The following HS3ST5 variants were observed in gnomAD, a reference collection of about 807,000 sequenced individuals.
HS3ST5 encodes heparan sulfate glucosamine 3-O-sulfotransferase 5.
Under a neutral mutation model 25.4 loss-of-function variants are expected in HS3ST5, and 10 were observed. The ratio of observed to expected loss-of-function variants is 0.39; its 90% CI spans 0.24 to 0.67. The LOEUF is 0.67. Ranked by LOEUF, HS3ST5 falls within the 30% of genes least tolerant of loss-of-function variation. The pLI is 0.44. For synonymous variants in HS3ST5, 170 were observed against 162.4 expected (o/e 1.05, Z -0.36); for missense variants, 324 against 420.7 (o/e 0.77, Z 2.01).
chr6:114,175,136 T>G (rs1482699738), intron 2 of HS3ST5, among the ~76,000 whole-genome samples: 1 of 152,150 alleles, frequency 6.6e-6, no homozygotes, highest in East Asian at 1.9e-4. Flanking sequence ...GGGCAGAATT[T>G]ATAAAATCCA....
At chr6:114,282,093 G>A (rs1383581885) in intron 1 of HS3ST5, 4 of 151,980 alleles carry the variant, frequency 2.6e-5, no homozygotes, top group Non-Finnish European at 5.9e-5. Context: ...GTGTATGTAT[G>A]AGTTTATGGG....
chr6:114,146,218 G>A (rs1033728286), intron 3 of HS3ST5, among the ~76,000 whole-genome samples: 2 of 152,208 alleles, frequency 1.3e-5, no homozygotes, highest in African/African-American at 4.8e-5. Context: ...CATAAAGACA[G>A]CTAAATAGAA....
chr6:114,233,751 A>AC (rs1381350907), intron 1 of HS3ST5, among the ~76,000 whole-genome samples: 11 of 152,314 alleles, frequency 7.2e-5, no homozygotes, highest in Admixed American at 2.0e-4. Context: ...GAAAACAGTT[A>AC]CCCCAAGTTC....
At chr6:114,094,667 C>A (rs1231470251) in intron 3 of HS3ST5, among the ~76,000 whole-genome samples, 4 of 152,132 alleles carry the variant, frequency 2.6e-5, no homozygotes, top group Non-Finnish European at 5.9e-5. Flanking sequence ...AGTAATTTCA[C>A]ATTTTGTAAA....
intron 3 of HS3ST5, chr6:114,088,960 G>GT (rs1554207633): frequency 6.6e-6 from 1 of 152,248 alleles, no homozygotes; most frequent in Non-Finnish European, 1.5e-5. Context: ...GGCTGGAGAA[G>GT]TTAAGAGACC....
intron 1 of HS3ST5, among the ~76,000 whole-genome samples, chr6:114,229,038 A>G (rs1047573643): frequency 1.3e-5 from 2 of 152,132 alleles, no homozygotes; most frequent in Non-Finnish European, 2.9e-5. Flanking sequence ...TATCATTACT[A>G]ATTTTATTTT....
chr6:114,317,982 T>TA (rs1205496298), intron 1 of HS3ST5, among the ~76,000 whole-genome samples: 3 of 152,102 alleles, frequency 2.0e-5, no homozygotes, highest in African/African-American at 7.2e-5. Context: ...CTTTAGTAAA[T>TA]AAAATGAGCT....
chr6:114,059,771 T>A (rs1426220955), intron 4 of HS3ST5: 1 of 152,236 alleles, frequency 6.6e-6, no homozygotes, highest in Non-Finnish European at 1.5e-5. Flanking sequence ...CAATTAAACC[T>A]TTTTTCTTTA....
intron 1 of HS3ST5, among the ~76,000 whole-genome samples, chr6:114,297,197 T>C (rs143971900): frequency 2.6e-5 from 4 of 151,996 alleles, no homozygotes; most frequent in Non-Finnish European, 5.9e-5. Flanking sequence ...ATCATTACTA[T>C]ATATGAGTGT....
intron 2 of HS3ST5, among the ~76,000 whole-genome samples, chr6:114,216,535 C>T (rs1304331641): frequency 1.3e-5 from 2 of 151,982 alleles, no homozygotes; most frequent in Admixed American, 1.3e-4. Context: ...TACATATAGA[C>T]ACACATATCC....
At chr6:114,241,296 C>T (rs754258552) in intron 1 of HS3ST5, among the ~76,000 whole-genome samples, 30 of 152,106 alleles carry the variant, frequency 2.0e-4, no homozygotes, top group Non-Finnish European at 4.1e-4. Flanking sequence ...AAAACTTTCT[C>T]TTGGGCAGTT....
intron 3 of HS3ST5, among the ~76,000 whole-genome samples, chr6:114,141,772 C>G (rs976612981): frequency 1.3e-5 from 2 of 152,038 alleles, no homozygotes; most frequent in African/African-American, 4.8e-5. Flanking sequence ...CCATTGGCTC[C>G]TGTCCTACAG....
intron 1 of HS3ST5, among the ~76,000 whole-genome samples, chr6:114,309,707 T>C (rs1775451172): frequency 6.6e-6 from 1 of 152,166 alleles, no homozygotes; most frequent in Non-Finnish European, 1.5e-5. Context: ...CACTCCAGCC[T>C]GGGCGACAGA....
intron 1 of HS3ST5, among the ~76,000 whole-genome samples, chr6:114,245,364 A>C (rs930431748): frequency 6.6e-6 from 1 of 152,176 alleles, no homozygotes; most frequent in Non-Finnish European, 1.5e-5. Context: ...AGACAGAAAC[A>C]GGTTAGAAAA....
At chr6:114,272,299 C>T (rs1040762762) in intron 1 of HS3ST5, among the ~76,000 whole-genome samples, 4 of 152,022 alleles carry the variant, frequency 2.6e-5, no homozygotes, top group East Asian at 1.9e-4. Flanking sequence ...TTCTAGTAGG[C>T]AGTTAATTAC....
intron 3 of HS3ST5, among the ~76,000 whole-genome samples, chr6:114,063,286 G>A (rs758921367): frequency 8.5e-5 from 13 of 152,116 alleles, no homozygotes; most frequent in African/African-American, 1.7e-4. Flanking sequence ...AGGCCAAGGC[G>A]GGTGGATCAC....
chr6:114,121,315 A>G (rs1776774207), intron 3 of HS3ST5, among the ~76,000 whole-genome samples: 1 of 152,190 alleles, frequency 6.6e-6, no homozygotes, highest in Admixed American at 6.5e-5. Flanking sequence ...ACAAGCAACC[A>G]CCACAGTGTC....
At chr6:114,084,025 T>A (rs1040299083) in intron 3 of HS3ST5, 2 of 538,414 alleles carry the variant, frequency 3.7e-6, no homozygotes, top group Non-Finnish European at 6.5e-6. Flanking sequence ...CAGAATCTTA[T>A]ATTGTACAAA....
At chr6:114,082,841 C>T (rs1034315116) in intron 3 of HS3ST5, among the ~76,000 whole-genome samples, 2 of 152,172 alleles carry the variant, frequency 1.3e-5, no homozygotes, top group African/African-American at 4.8e-5. Context: ...CCCCGTCATT[C>T]TCTTTAAATT....
Sources: allele counts gnomAD v4.1 joint callset (sites outside exome capture counted in the v4.1 genomes callset), GRCh38; gene constraint gnomAD v4.1.1; transcripts MANE v1.5; gene names NCBI Gene and HGNC (gene_info 2026-07-23, HGNC 2026-07-21).